Variants in CPLX2 observed in about 807,000 individuals in gnomAD.
CPLX2 encodes the protein complexin 2, also known as complexin-2.
A neutral mutation model predicts 16.3 loss-of-function variants in CPLX2; 5 were observed. That is an observed-to-expected ratio of 0.31 (90% CI 0.16 to 0.64). CPLX2 has a LOEUF of 0.64. CPLX2 is among the 30% of genes least tolerant of loss of function. The pLI, the probability that CPLX2 is intolerant of heterozygous loss-of-function variation, is 0.79. For synonymous variants in CPLX2, 89 were observed against 73.2 expected, an observed-to-expected ratio of 1.22 and a Z score of -1.10; for missense variants, 144 against 181.4, an observed-to-expected ratio of 0.79 and a Z score of 1.18.
chr5:175,864,488 TTGAC>T, intron 2 of CPLX2, among the ~76,000 whole-genome samples: 1 of 152,344 alleles, frequency 6.6e-6, no homozygotes, highest in East Asian at 1.9e-4. Flanking sequence ...TGTATGGTCA[TTGAC>T]TGTTTGCGGG....
chr5:175,838,686 C>T (rs1758889508), intron 2 of CPLX2, among the ~76,000 whole-genome samples: 1 of 152,100 alleles, frequency 6.6e-6, no homozygotes, highest in Non-Finnish European at 1.5e-5. Flanking sequence ...TTTTCTAGTT[C>T]TTTGAAGTCC....
At chr5:175,802,176 T>C (rs1758107525) in intron 1 of CPLX2, among the ~76,000 whole-genome samples, 4 of 152,234 alleles carry the variant, frequency 2.6e-5, no homozygotes, top group Admixed American at 2.6e-4. Flanking sequence ...CCTTGAATCC[T>C]CTAGAAGCTC....
intron 2 of CPLX2, among the ~76,000 whole-genome samples, chr5:175,812,131 T>C (rs960761035): frequency 2.0e-5 from 3 of 151,982 alleles, no homozygotes; most frequent in Non-Finnish European, 4.4e-5. Flanking sequence ...TCTAGACTTA[T>C]GTCAGGCAGT....
chr5:175,843,202 C>T (rs1758977970), intron 2 of CPLX2, among the ~76,000 whole-genome samples: 1 of 152,222 alleles, frequency 6.6e-6, no homozygotes, highest in African/African-American at 2.4e-5. Context: ...AGTCAGACAA[C>T]AGGCTGGCCT....
chr5:175,799,243 C>G (rs1050615659), intron 1 of CPLX2, among the ~76,000 whole-genome samples: 2 of 151,950 alleles, frequency 1.3e-5, no homozygotes, highest in Admixed American at 1.3e-4. Flanking sequence ...GTTCCTAAGG[C>G]TAGAAAGCTT....
At chr5:175,858,028 A>G (rs763034538) in intron 2 of CPLX2, among the ~76,000 whole-genome samples, 4 of 152,240 alleles carry the variant, frequency 2.6e-5, no homozygotes, top group Non-Finnish European at 5.9e-5. Flanking sequence ...GGAAAGTGTC[A>G]ACATCCCACT....
At position 175,849,798 on chromosome 5, in the gene CPLX2, T is replaced by C. The variant is rs554552242; in HGVS notation, c.-88-28854T>C. On this transcript the variant is annotated intron_variant, in intron 2 of 4. Coordinates refer to the CPLX2 transcript ENST00000359546. The surrounding 1 kb of genome is among the most constrained non-coding windows in gnomAD (Gnocchi z 4.4). Reference sequence around the variant, plus strand: ...GGCTCCATCTCCCCTTGGAAGCACCTTCCTTGCCTTGCTCCAGCCATTGGG... The same window carrying C: ...GGCTCCATCTCCCCTTGGAAGCACCCTCCTTGCCTTGCTCCAGCCATTGGG... Among the ~76,000 whole-genome samples, 70 of 152,312 alleles carry C rather than the reference T, an allele frequency of 4.6e-4. No individual in the cohort carries two copies. In the South Asian group the frequency reaches 0.011, roughly 24 times the overall value.
At chr5:175,844,818 T>C (rs1322602282) in intron 2 of CPLX2, among the ~76,000 whole-genome samples, 3 of 152,180 alleles carry the variant, frequency 2.0e-5, no homozygotes, top group African/African-American at 7.2e-5. Flanking sequence ...CCAGATGATG[T>C]AGGACATTGT....
intron 2 of CPLX2, among the ~76,000 whole-genome samples, chr5:175,837,364 G>T (rs1191948801): frequency 1.3e-5 from 2 of 152,192 alleles, no homozygotes; most frequent in Non-Finnish European, 2.9e-5. Context: ...AAGGCCATCT[G>T]TTCCCTTTTG....
chr5:175,871,439 G>A (rs1174302677), upstream of CPLX2: 18 of 72,636 alleles, frequency 2.5e-4, no homozygotes, highest in African/African-American at 8.6e-4. Flanking sequence ...GAGACAGAGA[G>A]AGAGAGAGAG....
intron 1 of CPLX2, 162 bp downstream of exon 1, chr5:175,871,867 G>A (rs1348919741): frequency 1.3e-5 from 2 of 152,378 alleles, no homozygotes; most frequent in East Asian, 1.9e-4. Flanking sequence ...ACTGAGAGGC[G>A]GTAAAGGGGA....
intron 1 of CPLX2, among the ~76,000 whole-genome samples, chr5:175,802,158 A>T (rs1294032993): frequency 1.3e-5 from 2 of 152,230 alleles, no homozygotes; most frequent in African/African-American, 4.8e-5. Context: ...GCCAGGAAAC[A>T]TCAGAAACCT....
At position 175,817,196 on chromosome 5, in the gene CPLX2, G is replaced by A. The variant is rs1360968777; in HGVS notation, c.-89+8128G>A. 1.8e-4 allele frequency among the ~76,000 whole-genome samples: 27 copies of A among 152,220 alleles called. 1 individual carries two copies. Among genetic ancestry groups the A allele is most frequent in the Admixed American group, 9.2e-4 (14 of 15,280 alleles). On this transcript the variant is annotated intron_variant, in intron 2 of 4. Transcript: ENST00000359546. ...ATGTTTCTTTGGGATGGAATCACAGGATCTTAGATGGCTCTAGAAAGAGCA... is the reference window on the plus strand; with the variant it reads ...ATGTTTCTTTGGGATGGAATCACAGAATCTTAGATGGCTCTAGAAAGAGCA...
At chr5:175,870,769 T>C (rs1037727321), upstream of CPLX2, among the ~76,000 whole-genome samples, 4 of 152,062 alleles carry the variant, frequency 2.6e-5, no homozygotes, top group African/African-American at 9.6e-5. Context: ...GCCAGAGGAG[T>C]CCTTATTCTT....
At chr5:175,836,029 G>A (rs1332956083) in intron 2 of CPLX2, among the ~76,000 whole-genome samples, 1 of 152,072 alleles carries the variant, frequency 6.6e-6, no homozygotes, top group Non-Finnish European at 1.5e-5. Flanking sequence ...ATGAGTCACC[G>A]CGCCCAGCCG....
chr5:175,839,354 C>T (rs1339831597), intron 2 of CPLX2, among the ~76,000 whole-genome samples: 1 of 152,036 alleles, frequency 6.6e-6, no homozygotes, highest in Non-Finnish European at 1.5e-5. Flanking sequence ...GGCGTGATCT[C>T]GGCTCACTGC....
rs1758715338 is a variant in CPLX2 at position 175,830,482 on chromosome 5, C to T, written c.-89+21414C>T. On this transcript the variant is annotated intron_variant, in intron 2 of 4. Coordinates refer to the CPLX2 transcript ENST00000359546. This position sits in a 1 kb window ranked among gnomAD's most constrained non-coding sequence, Gnocchi z 4.0. ...AGGAGAGTGAAGCGAGGCAGCCCTC[C>T]TTTAGGAGGGGGAGTTTTAGGGGTG... is the stretch of plus-strand genomic sequence containing the variant. Among the ~76,000 whole-genome samples, 1 of 152,146 alleles carries T rather than the reference C, an allele frequency of 6.6e-6. No individual in the cohort carries two copies. Among genetic ancestry groups the T allele is most frequent in the Admixed American group, 6.5e-5 (1 of 15,284 alleles).
intron 2 of CPLX2, among the ~76,000 whole-genome samples, chr5:175,829,832 G>A (rs527746532): frequency 1.3e-5 from 2 of 152,196 alleles, no homozygotes; most frequent in Admixed American, 1.3e-4. Context: ...CTCAGGCAGT[G>A]CCTGCCCAGG....
rs1755693089 is a variant in CPLX2 at position 175,883,968 on chromosome 5, T to G, written c.*3923T>G. 6.6e-6 allele frequency: 1 copy of G among 152,266 alleles called. No individual in the cohort carries two copies. 9.4% of individuals were successfully genotyped at this position (152,266 alleles called of 1,614,324 possible). ...TGCTCCCCCCTTTGTATGATGCAAA[T>G]GCTGAAATGTACAAAATCAACCATG... On this transcript the variant is annotated 3_prime_UTR_variant, in exon 4 of 4. Coordinates refer to ENST00000393745, the MANE Select transcript of CPLX2 (RefSeq NM_001008220.2).
Sources: gnomAD v4.1 joint callset for allele counts (sites outside exome capture counted in the v4.1 genomes callset) on GRCh38, gnomAD v4.1.1 for gene constraint, Gnocchi (gnomAD v3.1) non-coding constraint, MANE v1.5 for transcripts, NCBI Gene and HGNC (gene_info 2026-07-23, HGNC 2026-07-21) for gene names.